Variants in NECAB1 observed in about 807,000 individuals in gnomAD.
The protein encoded by NECAB1 is N-terminal EF-hand calcium-binding protein 1.
NECAB1 carries 29 observed loss-of-function variants against 57.5 expected under a neutral mutation model. The observed-to-expected ratio is 0.50, with a 90% CI of 0.38 to 0.69. The LOEUF (loss-of-function observed/expected upper bound fraction) is 0.69, where lower values mean the gene tolerates loss of function less well. Ranked by LOEUF, NECAB1 falls within the 30% of genes least tolerant of loss-of-function variation. The pLI is 0.00. For synonymous variants in NECAB1, 142 were observed against 147.7 expected (o/e 0.96, Z 0.28); for missense variants, 372 against 413.8 (o/e 0.90, Z 0.88).
At chr8:90,908,756 C>T (rs950338671) in intron 5 of NECAB1, among the ~76,000 whole-genome samples, 1 of 152,114 alleles carries the variant, frequency 6.6e-6, no homozygotes, top group African/African-American at 2.4e-5. Flanking sequence ...CCAGTTACCC[C>T]AGAAGTCTTT....
rs1162512781 is a variant in NECAB1, at chr8:90,955,700, A to G, written c.*188A>G. On this transcript the variant is annotated 3_prime_UTR_variant, in exon 13 of 13. Transcript: ENST00000417640. ...CATGTGAATTTTAGCTCAATTTTCA[A>G]AGTTCACTAATATTCTCAATATTTA... The G allele has an allele frequency of 2.1e-6, 1 of 481,818 alleles. No homozygotes were observed. The highest frequency in any genetic ancestry group is 2.0e-5 in the African/African-American group (1 of 49,712). 29.8% of individuals were successfully genotyped at this position (481,818 alleles called of 1,614,324 possible). A position where few individuals can be genotyped will look rare whatever the true frequency, so the allele number is the denominator to read the frequency against.
intron 3 of NECAB1, among the ~76,000 whole-genome samples, chr8:90,847,412 T>C (rs1281442742): frequency 6.6e-6 from 1 of 152,208 alleles, no homozygotes; most frequent in Non-Finnish European, 1.5e-5. Flanking sequence ...GGGCTGGCAT[T>C]GTCTGTAGCT....
intron 6 of NECAB1, 37 bp from the exon 7 acceptor site, chr8:90,925,498 C>T: frequency 6.2e-7 from 1 of 1,602,650 alleles, no homozygotes; most frequent in South Asian, 1.1e-5. Context: ...GACTGAAGCA[C>T]TAACATTAAG....
chr8:90,845,571 G>T (rs986381201), intron 3 of NECAB1, among the ~76,000 whole-genome samples: 3 of 152,002 alleles, frequency 2.0e-5, no homozygotes, highest in Admixed American at 2.0e-4. Context: ...CCCATTGATT[G>T]CAGTATTTTG....
At chr8:90,896,204 A>T (rs1014533574) in intron 5 of NECAB1, among the ~76,000 whole-genome samples, 23 of 152,330 alleles carry the variant, frequency 1.5e-4, no homozygotes, top group African/African-American at 5.5e-4. Context: ...TTGGAAAATC[A>T]AGCAAAACAA....
intron 2 of NECAB1, among the ~76,000 whole-genome samples, chr8:90,805,331 A>G (rs1233265658): frequency 6.6e-6 from 1 of 152,110 alleles, no homozygotes; most frequent in Admixed American, 6.5e-5. Context: ...AGAATAACGA[A>G]AGGAAGAAGA....
intron 5 of NECAB1, among the ~76,000 whole-genome samples, chr8:90,907,725 G>A (rs1287905519): frequency 6.6e-6 from 1 of 152,136 alleles, no homozygotes; most frequent in African/African-American, 2.4e-5. Context: ...ATTTGATGAA[G>A]TACAGTATTT....
chr8:90,933,553 C>T (rs1810459517), intron 8 of NECAB1, among the ~76,000 whole-genome samples: 1 of 151,994 alleles, frequency 6.6e-6, no homozygotes, highest in South Asian at 2.1e-4. Flanking sequence ...AAGAATGACA[C>T]AGTAGACTTT....
intron 11 of NECAB1, 141 bp downstream of exon 11, chr8:90,950,025 T>C: frequency 1.9e-6 from 1 of 529,924 alleles, no homozygotes; most frequent in Non-Finnish European, 3.4e-6. Flanking sequence ...CCATGAATTC[T>C]ACACACTTTA....
chr8:90,836,157 A>G (rs1351052202), intron 3 of NECAB1, among the ~76,000 whole-genome samples: 1 of 152,204 alleles, frequency 6.6e-6, no homozygotes, highest in Non-Finnish European at 1.5e-5. Flanking sequence ...AATACGTTCA[A>G]ATGAGGAGTT....
rs186259934 is a variant in NECAB1 at position 90,799,903 on chromosome 8, C to G, written c.100-1788C>G. ...GTATACATTGCTTTGGGTAGTATGG[C>G]CATTTTAACAATATTGATTCTTCCA... On this transcript the variant is annotated intron_variant, in intron 1 of 12. Coordinates refer to ENST00000417640, the MANE Select transcript of NECAB1 (RefSeq NM_022351.5). Among the ~76,000 whole-genome samples the G allele has an allele frequency of 1.1e-3, 168 of 152,214 alleles. 1 individual carries two copies. The highest frequency in any genetic ancestry group is 3.7e-3 in the African/African-American group (155 of 41,540).
intron 2 of NECAB1, among the ~76,000 whole-genome samples, chr8:90,806,918 A>G (rs144551271): frequency 1.5e-4 from 23 of 152,354 alleles, no homozygotes; most frequent in African/African-American, 5.1e-4. Context: ...AACTTTCTCC[A>G]GGTTACATTG....
intron 4 of NECAB1, among the ~76,000 whole-genome samples, chr8:90,878,872 A>T (rs1340804010): frequency 6.6e-6 from 1 of 150,988 alleles, no homozygotes; most frequent in Non-Finnish European, 1.5e-5. Flanking sequence ...CCAAATGTCC[A>T]TGAATGAAAT....
chr8:90,876,258 G>A (rs78666984), intron 4 of NECAB1, among the ~76,000 whole-genome samples: 109 of 152,158 alleles, frequency 7.2e-4, no homozygotes, highest in Middle Eastern at 6.8e-3. Flanking sequence ...AGTGGCACAT[G>A]TCACTGATGA....
chr8:90,883,700 A>G (rs1415848341), intron 5 of NECAB1, among the ~76,000 whole-genome samples: 1 of 152,078 alleles, frequency 6.6e-6, no homozygotes, highest in Non-Finnish European at 1.5e-5. Context: ...TACATGGATT[A>G]TTTTACTTTG....
rs181572544 is a variant in NECAB1, at chr8:90,807,561, G to A, written c.124+5846G>A. ...CTATTCAGTCAAGCATCACCACCCC[G>A]CACTGTGCTCTCCAGACCCTCTTAT... On this transcript the variant is annotated intron_variant, in intron 2 of 12. Transcript: ENST00000417640. Among the ~76,000 whole-genome samples, 464 of 152,168 alleles carry A rather than the reference G, an allele frequency of 3.0e-3. 10 individuals carry two copies. The highest frequency in any genetic ancestry group is 0.013 in the South Asian group (64 of 4,824).
At chr8:90,932,885 G>A (rs892807425) in intron 8 of NECAB1, among the ~76,000 whole-genome samples, 15 of 152,032 alleles carry the variant, frequency 9.9e-5, no homozygotes, top group African/African-American at 3.6e-4. Flanking sequence ...GGGACATTAG[G>A]ACATTAGCAT....
chr8:90,901,795 C>T (rs1809509718), intron 5 of NECAB1, among the ~76,000 whole-genome samples: 1 of 152,090 alleles, frequency 6.6e-6, no homozygotes, highest in Admixed American at 6.6e-5. Context: ...CTAACTTGAG[C>T]CTTGTAGTTA....
intron 5 of NECAB1, among the ~76,000 whole-genome samples, chr8:90,910,394 T>G (rs1192144650): frequency 6.6e-6 from 1 of 152,164 alleles, no homozygotes; most frequent in Non-Finnish European, 1.5e-5. Context: ...CTTTTAAGAA[T>G]TCAGTTTTCC....
Sources: allele counts gnomAD v4.1 joint callset (sites outside exome capture counted in the v4.1 genomes callset), GRCh38; gene constraint gnomAD v4.1.1; transcripts MANE v1.5; gene names NCBI Gene and HGNC (gene_info 2026-07-23, HGNC 2026-07-21).